PBX1: variants seen among roughly 807,000 people sequenced by gnomAD.
The protein encoded by PBX1 is PBX homeobox 1.
PBX1 carries 6 observed loss-of-function variants against 53.4 expected under a neutral mutation model. The observed-to-expected ratio is 0.11, with a 90% CI of 0.06 to 0.22. The LOEUF (loss-of-function observed/expected upper bound fraction) is 0.22. Ranked by LOEUF, PBX1 falls within the 10% of genes least tolerant of loss-of-function variation. PBX1 has a pLI of 1.00. For missense variants in PBX1, 251 were observed against 551.4 expected (o/e 0.46, Z 5.46); for synonymous variants, 204 against 212.3 (o/e 0.96, Z 0.34).
intron 2 of PBX1, among the ~76,000 whole-genome samples, chr1:164,606,494 T>G (rs1363551126): frequency 2.6e-5 from 4 of 152,172 alleles, no homozygotes; most frequent in African/African-American, 4.8e-5. Flanking sequence ...GAGAATTGTT[T>G]GAACCTGGGA....
chr1:164,780,044 A>G (rs944313238), intron 2 of PBX1, among the ~76,000 whole-genome samples: 1 of 152,164 alleles, frequency 6.6e-6, no homozygotes, highest in Non-Finnish European at 1.5e-5. Context: ...GTGGTGCTAA[A>G]TGCTTTTTGA....
intron 2 of PBX1, among the ~76,000 whole-genome samples, chr1:164,610,464 A>G (rs762762601): frequency 6.6e-6 from 1 of 152,130 alleles, no homozygotes; most frequent in Non-Finnish European, 1.5e-5. Flanking sequence ...TGAGGAACCC[A>G]TTGGTCTATG....
Position 164,820,134 on chromosome 1 carries a change from A to C in PBX1, c.1060A>C (p.Asn354His). Reference protein sequence around the residue: ...GDLFMSVQSLNGDSYQGAQVG... With the variant: ...GDLFMSVQSLHGDSYQGAQVG... Reference sequence around the variant, plus strand: ...TTTGTTCATGAGCGTGCAGTCACTCAATGGGGATTCTTACCAAGGGGCCCA... The same window carrying C: ...TTTGTTCATGAGCGTGCAGTCACTCCATGGGGATTCTTACCAAGGGGCCCA... Residue 354 changes from asparagine to histidine, a missense_variant, in exon 7 of 9, where the codon AAT becomes CAT. Asn to His is a moderately conservative substitution (Grantham distance 68, BLOSUM62 1). This residue lies in a region of PBX1 where 92 missense variants were observed against 130.4 expected (regional missense o/e 0.71). Transcript: ENST00000420696. 1 of 1,613,848 alleles carries C rather than the reference A, an allele frequency of 6.2e-7. No homozygotes were observed. The highest frequency in any genetic ancestry group is 8.5e-7 in the Non-Finnish European group (1 of 1,179,866).
At chr1:164,854,254 T>G (rs577583668), downstream of PBX1, 1 of 152,240 alleles carries the variant, frequency 6.6e-6, no homozygotes, top group Admixed American at 6.5e-5. Context: ...GCAGTCGTGT[T>G]TGCAACTAAT....
rs1386883656 is a variant in PBX1 at position 164,847,902 on chromosome 1, C to T, written c.*1226C>T. The T allele has an allele frequency of 2.6e-5, 27 of 1,054,676 alleles. No individual in the cohort carries two copies. The highest frequency in any genetic ancestry group is 3.1e-5 in the Non-Finnish European group (27 of 872,622). 65.3% of individuals were successfully genotyped at this position (1,054,676 alleles called of 1,614,324 possible). ...CAGTGTAAACTACTCTTGTTCCCAC[C>T]ACCTCTGGAGCACTCAGGGAGCCCC... On this transcript the variant is annotated 3_prime_UTR_variant, in exon 9 of 9. Coordinates refer to ENST00000420696, the MANE Select transcript of PBX1 (RefSeq NM_002585.4).
In PBX1 at chr1:164,792,489, T is replaced by G; in HGVS notation, c.266-5T>G. ...TAACGCTCCCTTCCCTGTCTTTTTC[T>G]GTAGTTTTGAGTATCCGAGGAGCCC... is the stretch of plus-strand genomic sequence containing the variant. On this transcript the variant is annotated splice_region_variant and splice_polypyrimidine_tract_variant and intron_variant, in intron 2 of 8. Coordinates refer to ENST00000420696, the MANE Select transcript of PBX1 (RefSeq NM_002585.4). The G allele has an allele frequency of 6.2e-7, 1 of 1,613,898 alleles. No individual in the cohort carries two copies. Among genetic ancestry groups the G allele is most frequent in the Non-Finnish European group, 8.5e-7 (1 of 1,180,002 alleles).
chr1:164,616,678 G>A (rs1657301736), intron 2 of PBX1, among the ~76,000 whole-genome samples: 1 of 151,420 alleles, frequency 6.6e-6, no homozygotes, highest in African/African-American at 2.4e-5. Context: ...TCATGTGACA[G>A]AAAAAAAAAT....
intron 2 of PBX1, chr1:164,590,507 C>A: frequency 2.2e-6 from 1 of 455,724 alleles, no homozygotes; most frequent in Non-Finnish European, 4.4e-6. Context: ...TTGAGAGGTG[C>A]CGTTTTTGGT....
chr1:164,561,644 G>A (rs1157378004), intron 1 of PBX1, among the ~76,000 whole-genome samples: 1 of 152,130 alleles, frequency 6.6e-6, no homozygotes, highest in Non-Finnish European at 1.5e-5. Flanking sequence ...GGGCTAGTAA[G>A]AATAGATACT....
intron 2 of PBX1, among the ~76,000 whole-genome samples, chr1:164,667,246 T>C (rs7519175): frequency 0.033 from 5,055 of 152,236 alleles, 122 homozygotes; most frequent in Admixed American, 0.056. Flanking sequence ...TTAGTTCCTG[T>C]CTTTGCATGG....
chr1:164,881,336 GGA>G, intron 2 of PBX1, among the ~76,000 whole-genome samples: 1 of 6,856 alleles, frequency 1.5e-4, no homozygotes, highest in Non-Finnish European at 1.5e-3. Context: ...AGGAAAAGAA[GGA>G]AGGAAGGAAG....
chr1:164,784,199 A>G (rs1668063061), intron 2 of PBX1, among the ~76,000 whole-genome samples: 1 of 152,128 alleles, frequency 6.6e-6, no homozygotes, highest in South Asian at 2.1e-4. Context: ...ATGTCAGTCT[A>G]AGGCCAAAGC....
intron 4 of PBX1, among the ~76,000 whole-genome samples, chr1:164,802,620 C>T (rs955422444): frequency 9.2e-5 from 14 of 152,186 alleles, no homozygotes; most frequent in African/African-American, 3.4e-4. Flanking sequence ...AAGGTGTGTA[C>T]ACCAGGGTCT....
intron 2 of PBX1, among the ~76,000 whole-genome samples, chr1:164,746,376 T>C (rs966683194): frequency 6.6e-6 from 1 of 152,066 alleles, no homozygotes; most frequent in Non-Finnish European, 1.5e-5. Context: ...ACTATTCTTT[T>C]TTCTTCTTCT....
chr1:164,634,310 T>C (rs983891561), intron 2 of PBX1, among the ~76,000 whole-genome samples: 4 of 152,230 alleles, frequency 2.6e-5, no homozygotes, highest in Admixed American at 1.3e-4. Flanking sequence ...TGCAGTGCCC[T>C]GCCTGGCCCC....
intron 2 of PBX1, among the ~76,000 whole-genome samples, chr1:164,697,471 C>A (rs1363755156): frequency 3.3e-5 from 5 of 152,156 alleles, no homozygotes; most frequent in African/African-American, 1.2e-4. Context: ...TTTATTCAAC[C>A]CTTAATTTTA....
intron 2 of PBX1, among the ~76,000 whole-genome samples, chr1:164,778,255 TG>T (rs1306831869): frequency 1.3e-5 from 2 of 152,192 alleles, no homozygotes; most frequent in African/African-American, 2.4e-5. Context: ...TCCCAAAAAG[TG>T]AAGTCAAATT....
At position 164,850,018 on chromosome 1, in the gene PBX1, A is replaced by G. The variant is rs1671754377; in HGVS notation, c.*3342A>G. 1 of 227,592 alleles carries G rather than the reference A, an allele frequency of 4.4e-6. No homozygotes were observed. Among genetic ancestry groups the G allele is most frequent in the Admixed American group, 5.7e-5 (1 of 17,580 alleles). The allele number at this position is 227,592 out of a possible 1,614,324, so 14.1% of individuals were successfully genotyped here. On this transcript the variant is annotated 3_prime_UTR_variant, in exon 9 of 9. Transcript: ENST00000420696. Reference sequence around the variant, plus strand: ...TATTGATGATGAACATTTGATAATGAATGTTCTTGTATATTCAGATAAAGA... The same window carrying G: ...TATTGATGATGAACATTTGATAATGGATGTTCTTGTATATTCAGATAAAGA...
At chr1:164,768,710 C>T (rs1378803198) in intron 2 of PBX1, among the ~76,000 whole-genome samples, 1 of 152,172 alleles carries the variant, frequency 6.6e-6, no homozygotes, top group Non-Finnish European at 1.5e-5. Flanking sequence ...CACTCTGCCT[C>T]ATCTCCCCAC....
Sources: allele counts gnomAD v4.1 joint callset (sites outside exome capture counted in the v4.1 genomes callset), GRCh38; gene constraint gnomAD v4.1.1; regional missense constraint gnomAD v4.1.1; transcripts MANE v1.5; gene names NCBI Gene and HGNC (gene_info 2026-07-23, HGNC 2026-07-21).